Variants in CNTLN observed in about 807,000 individuals in gnomAD.
CNTLN encodes the protein centlein, centrosomal protein.
A neutral mutation model predicts 180.0 loss-of-function variants in CNTLN; 212 were observed. That is an observed-to-expected ratio of 1.18 (90% CI 1.05 to 1.32). CNTLN has a LOEUF of 1.32. Ranked by LOEUF, CNTLN falls within the 40% of genes most tolerant of loss-of-function variation. CNTLN has a pLI of 0.00. For missense variants in CNTLN, 2,095 were observed against 1,610.9 expected, an observed-to-expected ratio of 1.30 and a Z score of -5.14; for synonymous variants, 722 against 563.1, an observed-to-expected ratio of 1.28 and a Z score of -3.99.
At chr9:17,294,815 C>G (rs1407784342) in intron 6 of CNTLN, among the ~76,000 whole-genome samples, 2 of 14,284 alleles carry the variant, frequency 1.4e-4, no homozygotes, top group African/African-American at 7.6e-4. Flanking sequence ...GGGGAGTGGG[C>G]GAAGGGGGGA....
At chr9:17,438,062 C>G (rs1485157591) in intron 18 of CNTLN, among the ~76,000 whole-genome samples, 1 of 152,146 alleles carries the variant, frequency 6.6e-6, no homozygotes, top group East Asian at 1.9e-4. Context: ...GGCTGTGGTT[C>G]TCAACCCTGA....
chr9:17,450,201 C>T (rs1198189419), intron 18 of CNTLN, among the ~76,000 whole-genome samples: 1 of 152,126 alleles, frequency 6.6e-6, no homozygotes, highest in East Asian at 1.9e-4. Context: ...AATTGTAAAC[C>T]ATATTTAGTA....
chr9:17,505,707 A>T (rs1159519745), downstream of CNTLN, among the ~76,000 whole-genome samples: 1 of 152,146 alleles, frequency 6.6e-6, no homozygotes, highest in South Asian at 2.1e-4. Context: ...AGCTGTCTCC[A>T]AATTTATATA....
chr9:17,475,387 A>G (rs1401340941), intron 23 of CNTLN, among the ~76,000 whole-genome samples: 1 of 151,640 alleles, frequency 6.6e-6, no homozygotes, highest in Non-Finnish European at 1.5e-5. Flanking sequence ...AATATTAAAT[A>G]TATATTTGAA....
At chr9:17,191,127 C>T (rs1253606930) in intron 2 of CNTLN, among the ~76,000 whole-genome samples, 1 of 152,174 alleles carries the variant, frequency 6.6e-6, no homozygotes, top group Non-Finnish European at 1.5e-5. Flanking sequence ...TTATTTTCTT[C>T]TTAAACAGCC....
intron 13 of CNTLN, among the ~76,000 whole-genome samples, chr9:17,385,736 CAA>C: frequency 1.3e-5 from 2 of 152,150 alleles, no homozygotes; most frequent in South Asian, 4.1e-4. Context: ...TGTAGTATAA[CAA>C]TATTTACATA....
intron 12 of CNTLN, among the ~76,000 whole-genome samples, chr9:17,353,241 C>T (rs919803697): frequency 1.1e-4 from 16 of 150,382 alleles, no homozygotes; most frequent in Non-Finnish European, 1.9e-4. Context: ...TAGGCATGAG[C>T]GATAGTACCC....
chr9:17,402,609 A>G (rs1346478410), intron 15 of CNTLN, among the ~76,000 whole-genome samples: 1 of 151,848 alleles, frequency 6.6e-6, no homozygotes, highest in Non-Finnish European at 1.5e-5. Context: ...GCATGGAGAT[A>G]AACCTCATTT....
chr9:17,456,493 A>G (rs981026170), intron 18 of CNTLN, among the ~76,000 whole-genome samples: 6 of 152,296 alleles, frequency 3.9e-5, no homozygotes, highest in Middle Eastern at 3.4e-3. Flanking sequence ...ACTTACATAT[A>G]CAAATACATA....
At chr9:17,198,091 C>G (rs1229364981) in intron 2 of CNTLN, among the ~76,000 whole-genome samples, 1 of 151,886 alleles carries the variant, frequency 6.6e-6, no homozygotes, top group Non-Finnish European at 1.5e-5. Flanking sequence ...TTCCATTGGT[C>G]TATGTGTCTG....
chr9:17,301,788 T>C (rs898327754), intron 7 of CNTLN: 3 of 979,420 alleles, frequency 3.1e-6, no homozygotes, highest in African/African-American at 1.8e-5. Flanking sequence ...TATGTAGTTA[T>C]TTTAAAAAAC....
intron 15 of CNTLN, among the ~76,000 whole-genome samples, chr9:17,405,962 A>G (rs973114876): frequency 2.0e-5 from 3 of 151,486 alleles, no homozygotes; most frequent in Admixed American, 2.0e-4. Flanking sequence ...TTTAGTAGAG[A>G]TGGGGTTTCT....
intron 20 of CNTLN, 119 bp downstream of exon 20, chr9:17,463,132 A>G (rs2134192378): frequency 3.4e-6 from 2 of 586,698 alleles, no homozygotes; most frequent in Middle Eastern, 2.7e-4. Context: ...TCATATTTAA[A>G]CCTACCTAAG....
chr9:17,292,696 C>T (rs758798862), intron 6 of CNTLN, among the ~76,000 whole-genome samples: 7 of 152,040 alleles, frequency 4.6e-5, no homozygotes, highest in Non-Finnish European at 8.8e-5. Flanking sequence ...GTTAACAGCT[C>T]CTGTAATGTT....
At chr9:17,292,850 G>C (rs1369494024) in intron 6 of CNTLN, among the ~76,000 whole-genome samples, 1 of 152,010 alleles carries the variant, frequency 6.6e-6, no homozygotes, top group Admixed American at 6.6e-5. Context: ...TTCCTAGAGA[G>C]GTATTATGAT....
intron 18 of CNTLN, among the ~76,000 whole-genome samples, chr9:17,451,947 C>A (rs1371627062): frequency 6.6e-6 from 1 of 152,206 alleles, no homozygotes; most frequent in African/African-American, 2.4e-5. Context: ...GAATCACTTT[C>A]ATTTTAGAAG....
At position 17,497,297 on chromosome 9, in the gene CNTLN, C is replaced by T. The variant is rs761116530; in HGVS notation, c.4120-5254C>T. On this transcript the variant is annotated intron_variant, in intron 25 of 25. Coordinates refer to ENST00000380647, the MANE Select transcript of CNTLN (RefSeq NM_017738.4). ...GCTCTATCTAGGCAAGTTTTGGGGA[C>T]GAGAATTATAGTGTCACACAGGAAC... is the stretch of plus-strand genomic sequence containing the variant. Among the ~76,000 whole-genome samples the T allele has an allele frequency of 1.4e-4, 22 of 152,140 alleles. No individual in the cohort carries two copies. In the South Asian group the frequency reaches 1.5e-3, roughly 10 times the overall value.
At chr9:17,228,006 T>C (rs574389122) in intron 3 of CNTLN, among the ~76,000 whole-genome samples, 14 of 152,160 alleles carry the variant, frequency 9.2e-5, no homozygotes, top group African/African-American at 2.9e-4. Flanking sequence ...TGTATTTACA[T>C]TTTACTGGAA....
intron 15 of CNTLN, among the ~76,000 whole-genome samples, chr9:17,400,962 A>G (rs1236798994): frequency 6.6e-6 from 1 of 152,170 alleles, no homozygotes; most frequent in Non-Finnish European, 1.5e-5. Context: ...GATTGCAAAG[A>G]TTTTTAATCT....
Sources: gnomAD v4.1 joint callset for allele counts (sites outside exome capture counted in the v4.1 genomes callset) on GRCh38, gnomAD v4.1.1 for gene constraint, MANE v1.5 for transcripts, NCBI Gene and HGNC (gene_info 2026-07-23, HGNC 2026-07-21) for gene names.